LRRC7: variants seen among roughly 807,000 people sequenced by gnomAD.
LRRC7 encodes leucine-rich repeat-containing protein 7.
Under a neutral mutation model 175.7 loss-of-function variants are expected in LRRC7, and 23 were observed. That is an observed-to-expected ratio of 0.13 (90% confidence interval 0.09 to 0.19). The LOEUF is 0.19. LRRC7 is among the 10% of genes least tolerant of loss of function. The pLI, the probability that LRRC7 is intolerant of heterozygous loss-of-function variation, is 1.00. For missense variants in LRRC7, 1,354 were observed against 1,904.7 expected (o/e 0.71, Z 5.38); for synonymous variants, 685 against 680.9 (o/e 1.01, Z -0.09).
intron 2 of LRRC7, among the ~76,000 whole-genome samples, chr1:69,688,201 A>G (rs1274706989): frequency 6.6e-6 from 1 of 152,220 alleles, no homozygotes; most frequent in African/African-American, 2.4e-5. Context: ...TAAATCAGCT[A>G]AAAGAAGTAA....
intron 12 of LRRC7, among the ~76,000 whole-genome samples, chr1:70,012,663 T>C (rs1557985871): frequency 6.6e-6 from 1 of 151,638 alleles, no homozygotes; most frequent in South Asian, 2.1e-4. Flanking sequence ...ATATTAGTAC[T>C]CACTTCGACA....
At chr1:69,578,357 G>C (rs1273430513) in intron 1 of LRRC7, among the ~76,000 whole-genome samples, 1 of 149,162 alleles carries the variant, frequency 6.7e-6, no homozygotes. Context: ...CTGTAAACTA[G>C]TTCAACCCTT....
intron 23 of LRRC7, among the ~76,000 whole-genome samples, chr1:70,057,813 G>T (rs915133887): frequency 6.6e-6 from 1 of 152,060 alleles, no homozygotes; most frequent in African/African-American, 2.4e-5. Context: ...CAAAACCTTA[G>T]ACACATAAAG....
chr1:69,651,398 A>G (rs934704619), intron 1 of LRRC7, among the ~76,000 whole-genome samples: 1 of 152,164 alleles, frequency 6.6e-6, no homozygotes, highest in African/African-American at 2.4e-5. Context: ...TTGCAAATCC[A>G]ATTATATCTG....
rs1485567145 is a variant in LRRC7, at chr1:69,819,390, A to G, written c.422-6358A>G. On this transcript the variant is annotated intron_variant, in intron 4 of 26. Transcript: ENST00000651989. ...TTTTCCAGTTTTCCTCTTGTTAGTG[A>G]TTTCTGGTTTTATATATATCATTGC... is the stretch of plus-strand genomic sequence containing the variant. Among the ~76,000 whole-genome samples, 3 of 151,456 alleles carry G rather than the reference A, an allele frequency of 2.0e-5. No homozygotes were observed. The Admixed American group carries it at 2.0e-4, about 10-fold the overall frequency.
rs1666946992 is a variant in LRRC7, at chr1:70,138,369, G to GAT, written c.*16482_*16483insAT. ...TTTTAAAAAAGATCAGTTCTGTAAAGCATAATGCCTACTACACAGACATCA... is the reference window on the plus strand; with the variant it reads ...TTTTAAAAAAGATCAGTTCTGTAAAGATCATAATGCCTACTACACAGACATCA... On this transcript the variant is annotated 3_prime_UTR_variant, in exon 27 of 27. Transcript: ENST00000651989. 1 of 152,126 alleles carries GAT rather than the reference G, an allele frequency of 6.6e-6. No homozygotes were observed. The highest frequency in any genetic ancestry group is 1.5e-5 in the Non-Finnish European group (1 of 68,012). The allele number at this position is 152,126 out of a possible 1,614,324, so 9.4% of individuals were successfully genotyped here. A position where few individuals can be genotyped will look rare whatever the true frequency, so the allele number is the denominator to read the frequency against.
Position 70,038,554 on chromosome 1 carries a change from T to A in LRRC7, c.2730T>A (p.Pro910=). ...LETTPTTSPL[P]ERKEHIKEST... ...CAACCCCCACTACCAGCCCATTGCCTGAAAGGAAAGAACATATAAAGGAAT... is the reference window on the plus strand; with the variant it reads ...CAACCCCCACTACCAGCCCATTGCCAGAAAGGAAAGAACATATAAAGGAAT... The change falls in exon 21 of 27, where the codon CCT becomes CCA. Residue 910 remains proline (P), a synonymous_variant. Coordinates refer to ENST00000651989, the MANE Select transcript of LRRC7 (RefSeq NM_001370785.2). The A allele has an allele frequency of 1.2e-6, 2 of 1,614,088 alleles. No individual in the cohort carries two copies. Among genetic ancestry groups the A allele is most frequent in the Non-Finnish European group, 1.7e-6 (2 of 1,179,978 alleles).
chr1:69,957,270 G>A (rs1479855301), intron 8 of LRRC7, among the ~76,000 whole-genome samples: 1 of 151,740 alleles, frequency 6.6e-6, no homozygotes, highest in Admixed American at 6.6e-5. Context: ...TGCCTCTAAT[G>A]AAGTATTTTT....
At chr1:69,781,701 A>C (rs1194178606) in intron 3 of LRRC7, among the ~76,000 whole-genome samples, 31 of 28,570 alleles carry the variant, frequency 1.1e-3, no homozygotes, top group African/African-American at 5.6e-3. Flanking sequence ...GAAAGAAAGA[A>C]AGAAAGAAAG....
Position 69,568,085 on chromosome 1 carries a change from C to A in LRRC7, c.-555C>A, listed in dbSNP as rs1646400030. Among the ~76,000 whole-genome samples the A allele has an allele frequency of 6.6e-6, 1 of 152,138 alleles. No individual in the cohort carries two copies. Among genetic ancestry groups the A allele is most frequent in the Non-Finnish European group, 1.5e-5 (1 of 68,012 alleles). The stretch of plus-strand genomic sequence containing the variant: ...CCACCGCCACCGCCTCCTGCAGTTG[C>A]GGAGCGCTCAGCCCCTCCGAGACGC... On this transcript the variant is annotated 5_prime_UTR_variant, in exon 1 of 27. Transcript: ENST00000651989.
chr1:70,021,421 T>G (rs1657486031), intron 16 of LRRC7: 1 of 233,586 alleles, frequency 4.3e-6, no homozygotes, highest in South Asian at 6.4e-5. Flanking sequence ...ATAGACTTCA[T>G]CTAAGAACCT....
intron 16 of LRRC7, 25 bp downstream of exon 16, chr1:70,021,154 T>A (rs771718048): frequency 6.2e-7 from 1 of 1,601,046 alleles, no homozygotes; most frequent in South Asian, 1.1e-5. Context: ...TTTTGTTTCC[T>A]CTTTCTTCTC....
rs113269553 is a variant in LRRC7, at chr1:69,700,928, C to T, written c.100+22450C>T. Among the ~76,000 whole-genome samples the T allele has an allele frequency of 7.1e-3, 1,080 of 152,160 alleles. 18 individuals carry two copies. Among genetic ancestry groups the T allele is most frequent in the African/African-American group, 0.024 (1,012 of 41,522 alleles). ...AGAAATCCTTGCATGTCAGACAACC[C>T]GTCAGTAGTCCACTGTAGCTCTGAG... On this transcript the variant is annotated intron_variant, in intron 2 of 26. Transcript: ENST00000651989.
rs76004410 is a variant in LRRC7 at position 69,613,960 on chromosome 1, T to A, written c.2+45319T>A. 6.1e-3 allele frequency among the ~76,000 whole-genome samples: 926 copies of A among 152,004 alleles called. 9 individuals carry two copies. Among genetic ancestry groups the A allele is most frequent in the African/African-American group, 0.021 (877 of 41,500 alleles). ...ATTTTATTGAAAGCCTGGAAAACAA[T>A]AAGGAATAATAAGAAAATATAATAA... On this transcript the variant is annotated intron_variant, in intron 1 of 26. Coordinates refer to ENST00000651989, the MANE Select transcript of LRRC7 (RefSeq NM_001370785.2).
At chr1:69,838,176 A>AT (rs1426148193) in intron 6 of LRRC7, 51 bp from the exon 7 acceptor site, 2 of 1,324,828 alleles carry the variant, frequency 1.5e-6, no homozygotes, top group South Asian at 1.2e-5. Flanking sequence ...TTATTCAATA[A>AT]TTTTTTAGAC....
chr1:69,721,672 A>G (rs1666365930), intron 2 of LRRC7, among the ~76,000 whole-genome samples: 1 of 151,720 alleles, frequency 6.6e-6, no homozygotes, highest in South Asian at 2.1e-4. Context: ...AAAATCTCTT[A>G]ATTAGGGATA....
At chr1:69,642,138 TATG>T (rs1323129304) in intron 1 of LRRC7, among the ~76,000 whole-genome samples, 1 of 152,014 alleles carries the variant, frequency 6.6e-6, no homozygotes, top group Non-Finnish European at 1.5e-5. Context: ...CTATTGCTAT[TATG>T]ATAATTTTAT....
chr1:69,894,344 C>T (rs1003031011), intron 7 of LRRC7, among the ~76,000 whole-genome samples: 3 of 152,116 alleles, frequency 2.0e-5, no homozygotes, highest in Non-Finnish European at 4.4e-5. Context: ...GTGACTCTCG[C>T]CTTGTTCTTA....
At chr1:70,041,792 T>C (rs1659920736) in intron 21 of LRRC7, among the ~76,000 whole-genome samples, 1 of 152,220 alleles carries the variant, frequency 6.6e-6, no homozygotes, top group East Asian at 1.9e-4. Flanking sequence ...CCCAGATCAA[T>C]GGTTCCTCTC....
Sources: gnomAD v4.1 joint callset for allele counts (sites outside exome capture counted in the v4.1 genomes callset) on GRCh38, gnomAD v4.1.1 for gene constraint, MANE v1.5 for transcripts, NCBI Gene and HGNC (gene_info 2026-07-23, HGNC 2026-07-21) for gene names.